NRG3: variants seen among roughly 807,000 people sequenced by gnomAD.
NRG3 encodes neuregulin 3.
NRG3 carries 31 observed loss-of-function variants against 66.9 expected under a neutral mutation model. The observed-to-expected ratio is 0.46, with a 90% CI of 0.35 to 0.63. The LOEUF is 0.63. Ranked by LOEUF, NRG3 falls within the 20% of genes least tolerant of loss-of-function variation. The pLI is 0.00. For missense variants in NRG3, 910 were observed against 878.9 expected, an observed-to-expected ratio of 1.04 and a Z score of -0.45; for synonymous variants, 393 against 359.4, an observed-to-expected ratio of 1.09 and a Z score of -1.06.
At chr10:82,684,699 G>C (rs1412072429) in intron 2 of NRG3, among the ~76,000 whole-genome samples, 1 of 152,100 alleles carries the variant, frequency 6.6e-6, no homozygotes, top group Admixed American at 6.6e-5. Flanking sequence ...GTACAACACA[G>C]TGGTCTCGAT....
intron 1 of NRG3, among the ~76,000 whole-genome samples, chr10:82,274,586 T>G (rs923286547): frequency 6.6e-6 from 1 of 151,998 alleles, no homozygotes; most frequent in Non-Finnish European, 1.5e-5. Context: ...AAGTCAAAAT[T>G]TAAGAAACAT....
intron 1 of NRG3, among the ~76,000 whole-genome samples, chr10:82,212,024 T>G (rs2075419781): frequency 6.6e-6 from 1 of 152,172 alleles, no homozygotes; most frequent in Non-Finnish European, 1.5e-5. Context: ...GAGGCATATA[T>G]TTTAGTTCTA....
At chr10:81,910,669 A>C (rs570847191) in intron 1 of NRG3, among the ~76,000 whole-genome samples, 1 of 152,228 alleles carries the variant, frequency 6.6e-6, no homozygotes, top group Non-Finnish European at 1.5e-5. Context: ...TTTTCTAGAG[A>C]TAGTGTCTTG....
At chr10:82,877,024 G>GAAAA (rs763600557) in intron 4 of NRG3, among the ~76,000 whole-genome samples, 2 of 94,520 alleles carry the variant, frequency 2.1e-5, no homozygotes, top group Admixed American at 1.1e-4. Flanking sequence ...ACTCTGCCAA[G>GAAAA]AAAAAAAAAA....
chr10:82,070,359 T>C (rs2064736381), intron 1 of NRG3, among the ~76,000 whole-genome samples: 1 of 152,046 alleles, frequency 6.6e-6, no homozygotes, highest in Non-Finnish European at 1.5e-5. Flanking sequence ...AAGAAGATAT[T>C]TAAGGGGTTT....
At chr10:82,672,585 A>C (rs1264834260) in intron 2 of NRG3, among the ~76,000 whole-genome samples, 2 of 152,134 alleles carry the variant, frequency 1.3e-5, no homozygotes, top group African/African-American at 2.4e-5. Flanking sequence ...TGTAAGGGGG[A>C]ATGCTGCAGC....
intron 1 of NRG3, among the ~76,000 whole-genome samples, chr10:82,168,509 G>A (rs964013569): frequency 4.6e-5 from 7 of 152,106 alleles, no homozygotes; most frequent in African/African-American, 1.7e-4. Flanking sequence ...ACATAATCTC[G>A]AGTTTTGAGC....
intron 2 of NRG3, among the ~76,000 whole-genome samples, chr10:82,529,310 T>C (rs1847031846): frequency 6.6e-6 from 1 of 152,200 alleles, no homozygotes; most frequent in Non-Finnish European, 1.5e-5. Flanking sequence ...TGACCTGTGC[T>C]AAACCTGCCT....
At chr10:81,881,102 TC>T (rs1461998530) in intron 1 of NRG3, among the ~76,000 whole-genome samples, 3 of 152,084 alleles carry the variant, frequency 2.0e-5, no homozygotes, top group East Asian at 1.9e-4. Context: ...CCCTAAGACT[TC>T]CTGTACTCCC....
chr10:82,339,391 G>A (rs1368438012), intron 1 of NRG3, among the ~76,000 whole-genome samples: 1 of 152,112 alleles, frequency 6.6e-6, no homozygotes, highest in East Asian at 1.9e-4. Flanking sequence ...ACGGCGGAAG[G>A]CACCTCTTCA....
intron 1 of NRG3, among the ~76,000 whole-genome samples, chr10:81,963,323 C>T (rs889995411): frequency 4.7e-5 from 7 of 150,428 alleles, no homozygotes; most frequent in South Asian, 4.2e-4. Flanking sequence ...TTAGTAGAGA[C>T]GGGGTTTCAC....
chr10:82,833,387 G>A (rs1053728201), intron 3 of NRG3, among the ~76,000 whole-genome samples: 14 of 152,176 alleles, frequency 9.2e-5, no homozygotes, highest in African/African-American at 2.2e-4. Context: ...CTCAGTTCCC[G>A]AGTGCGGTAC....
intron 4 of NRG3, among the ~76,000 whole-genome samples, chr10:82,885,883 A>AT (rs1206375320): frequency 6.7e-6 from 1 of 149,710 alleles, no homozygotes; most frequent in Non-Finnish European, 1.5e-5. Context: ...TTGTATTATT[A>AT]TTTTTTTAGA....
intron 2 of NRG3, among the ~76,000 whole-genome samples, chr10:82,665,651 T>C (rs1215685721): frequency 6.6e-6 from 1 of 152,170 alleles, no homozygotes; most frequent in Non-Finnish European, 1.5e-5. Context: ...CCTTAACATT[T>C]TCCTTTCTTT....
chr10:82,667,736 C>A (rs1049310814), intron 2 of NRG3, among the ~76,000 whole-genome samples: 7 of 152,098 alleles, frequency 4.6e-5, no homozygotes, highest in African/African-American at 1.7e-4. Context: ...TTACTTGGAC[C>A]TTGGGAAGCC....
intron 1 of NRG3, among the ~76,000 whole-genome samples, chr10:81,973,929 A>G (rs149990398): frequency 0.014 from 2,111 of 152,038 alleles, 22 homozygotes; most frequent in South Asian, 0.021. Context: ...CCATTTGTCA[A>G]TTTTTGCTTG....
At chr10:82,116,309 G>T (rs1336900933) in intron 1 of NRG3, among the ~76,000 whole-genome samples, 3 of 152,090 alleles carry the variant, frequency 2.0e-5, no homozygotes, top group Non-Finnish European at 4.4e-5. Flanking sequence ...TAATAGCCAA[G>T]CTTAAAATTA....
chr10:82,135,890 T>G (rs191658352), intron 1 of NRG3, among the ~76,000 whole-genome samples: 5 of 152,282 alleles, frequency 3.3e-5, no homozygotes, highest in Admixed American at 3.3e-4. Flanking sequence ...ATGGTCTTGA[T>G]GCTTGAGGAT....
intron 1 of NRG3, among the ~76,000 whole-genome samples, chr10:82,200,913 C>A (rs959326850): frequency 6.6e-6 from 1 of 151,966 alleles, no homozygotes; most frequent in Non-Finnish European, 1.5e-5. Flanking sequence ...AAAGAGACAG[C>A]TGGGCCGGGC....
Sources: gnomAD v4.1 joint callset for allele counts (sites outside exome capture counted in the v4.1 genomes callset) on GRCh38, gnomAD v4.1.1 for gene constraint, MANE v1.5 for transcripts, NCBI Gene and HGNC (gene_info 2026-07-23, HGNC 2026-07-21) for gene names.